Variants in MRPS30 observed in about 807,000 individuals in gnomAD.
MRPS30 encodes the protein large ribosomal subunit protein mL65.
In MRPS30, 42 loss-of-function variants were observed where a neutral mutation model predicts 43.8. The observed-to-expected ratio is 0.96, with a 90% CI of 0.75 to 1.24. The LOEUF (loss-of-function observed/expected upper bound fraction) is 1.24. Ranked by LOEUF, MRPS30 falls within the 50% of genes most tolerant of loss-of-function variation. The probability of loss-of-function intolerance (pLI) is 0.00; values close to 1 mark genes in which losing one functional copy is unlikely to be tolerated. For synonymous variants in MRPS30, 273 were observed against 228.2 expected (o/e 1.20, Z -1.77); for missense variants, 638 against 570.0 (o/e 1.12, Z -1.22).
In MRPS30 at chr5:44,815,212, T is replaced by G. The variant is rs1271128297; in HGVS notation, c.*10T>G. On this transcript the variant is annotated 3_prime_UTR_variant, in exon 5 of 5. Coordinates refer to ENST00000507110, the MANE Select transcript of MRPS30 (RefSeq NM_016640.4). ...GCTGTTGGAAAACTGAAAAAGCATA[T>G]TTGATTGAGAACTGTGGGAATATTT... 1 of 1,566,282 alleles carries G rather than the reference T, an allele frequency of 6.4e-7. No individual in the cohort carries two copies. The highest frequency in any genetic ancestry group is 1.2e-5 in the South Asian group (1 of 83,642).
intron 1 of MRPS30, among the ~76,000 whole-genome samples, chr5:44,810,569 G>A (rs1393325467): frequency 6.6e-6 from 1 of 152,106 alleles, no homozygotes; most frequent in African/African-American, 2.4e-5. Flanking sequence ...TGAGGAAAGC[G>A]TCATGGACTT....
rs1742786674 is a variant in MRPS30 at position 44,809,408 on chromosome 5, G to GCCTGCTGCAGGAGCACTTCTA, written c.452_472dup (p.Leu151_Leu157dup). ...GCGCTGCGTGCGGTCGCCTGCGACT[G>GCCTGCTGCAGGAGCACTTCTA]CCTGCTGCAGGAGCACTTCTACCTG... On this transcript the variant is annotated inframe_insertion, in exon 1 of 5. Transcript: ENST00000507110. 1 of 1,612,194 alleles carries GCCTGCTGCAGGAGCACTTCTA rather than the reference G, an allele frequency of 6.2e-7. No homozygotes were observed. The highest frequency in any genetic ancestry group is 1.7e-5 in the Admixed American group (1 of 59,806).
intron 4 of MRPS30, 44 bp from the exon 5 acceptor site, chr5:44,814,869 A>G: frequency 6.6e-7 from 1 of 1,513,308 alleles, no homozygotes; most frequent in Non-Finnish European, 8.9e-7. Flanking sequence ...TGTTTGGGTA[A>G]GATATATTCT....
Position 44,809,226 on chromosome 5 carries a change from T to G in MRPS30, c.264T>G (p.Phe88Leu). ...TGCGAATCCTCACCAAGATGCAGTT[T>G]ATGAAGTACATGGTTTACCCGCAGA... ...EKLRILTKMQ[F>L]MKYMVYPQTF... Residue 88 changes from phenylalanine (F) to leucine (L), a missense_variant, in exon 1 of 5, where the codon TTT becomes TTG. Coordinates refer to ENST00000507110, the MANE Select transcript of MRPS30 (RefSeq NM_016640.4). 1 of 1,613,658 alleles carries G rather than the reference T, an allele frequency of 6.2e-7. No individual in the cohort carries two copies. Among genetic ancestry groups the G allele is most frequent in the Non-Finnish European group, 8.5e-7 (1 of 1,179,914 alleles).
chr5:44,811,875 T>C (rs760215396), intron 2 of MRPS30, 40 bp from the exon 3 acceptor site: 10 of 1,194,292 alleles, frequency 8.4e-6, no homozygotes, highest in East Asian at 2.6e-5. Flanking sequence ...TACATACTAA[T>C]GTTGCTGTGA....
At chr5:44,814,292 AG>A (rs1382694527) in intron 4 of MRPS30, among the ~76,000 whole-genome samples, 1 of 152,220 alleles carries the variant, frequency 6.6e-6, no homozygotes, top group Non-Finnish European at 1.5e-5. Flanking sequence ...TTTGATTACT[AG>A]GCTCATCTTT....
chr5:44,809,738 T>C, intron 1 of MRPS30, 175 bp downstream of exon 1: 2 of 677,566 alleles, frequency 3.0e-6, no homozygotes, highest in South Asian at 4.0e-5. Context: ...GTTAGGAATC[T>C]AGAGACTAGG....
chr5:44,814,844 C>A, intron 4 of MRPS30, 69 bp from the exon 5 acceptor site: 1 of 1,407,236 alleles, frequency 7.1e-7, no homozygotes, highest in Non-Finnish European at 9.7e-7. Flanking sequence ...CCTCTAATGT[C>A]TAATGTGATT....
intron 2 of MRPS30, 132 bp from the exon 3 acceptor site, chr5:44,811,783 A>C: frequency 3.5e-6 from 2 of 571,894 alleles, no homozygotes. Flanking sequence ...GATTTGGCCC[A>C]TCATTCGATG....
chr5:44,809,815 G>A (rs912846265), intron 1 of MRPS30: 17 of 482,670 alleles, frequency 3.5e-5, no homozygotes, highest in Admixed American at 3.8e-5. Context: ...CAGGATTCCA[G>A]TCCTGGATTC....
At chr5:44,814,448 G>A (rs1742887931) in intron 4 of MRPS30, among the ~76,000 whole-genome samples, 1 of 152,140 alleles carries the variant, frequency 6.6e-6, no homozygotes, top group Admixed American at 6.6e-5. Flanking sequence ...GAATGGCACT[G>A]TTTACTTTTG....
intron 4 of MRPS30, among the ~76,000 whole-genome samples, 185 bp from the exon 5 acceptor site, chr5:44,814,728 T>C (rs1561267488): frequency 6.6e-6 from 1 of 152,192 alleles, no homozygotes; most frequent in African/African-American, 2.4e-5. Flanking sequence ...AAATATTATT[T>C]GTGCAGAAAT....
Position 44,809,355 on chromosome 5 carries a change from C to A in MRPS30, c.393C>A (p.Pro131=), listed in dbSNP as rs1742783858. Residue 131 remains proline (P), a synonymous_variant, in exon 1 of 5, where the codon CCC becomes CCA. Transcript: ENST00000507110. ...CGGAGCCCGAGCCCGAGCCCGAACC[C>A]GAACCTGAACCTGCGCTGGACCTCG... ...PPAEPEPEPE[P]EPEPALDLAA... 6.2e-7 allele frequency: 1 copy of A among 1,608,282 alleles called. No homozygotes were observed. The highest frequency in any genetic ancestry group is 1.7e-5 in the Admixed American group (1 of 59,250).
chr5:44,811,241 A>G (rs534167908), intron 2 of MRPS30, 87 bp downstream of exon 2: 29 of 1,436,688 alleles, frequency 2.0e-5, no homozygotes, highest in Non-Finnish European at 2.7e-5. Context: ...AGTAGAATAA[A>G]ATGTTTCAGG....
intron 3 of MRPS30, among the ~76,000 whole-genome samples, chr5:44,812,728 T>C (rs1742862643): frequency 6.6e-6 from 1 of 152,080 alleles, no homozygotes; most frequent in African/African-American, 2.4e-5. Flanking sequence ...TTTCATTAAA[T>C]AAGTTATTAA....
chr5:44,813,160 C>A lies in MRPS30; in HGVS notation c.908C>A (p.Pro303His). 1.9e-6 allele frequency: 3 copies of A among 1,613,244 alleles called. No individual in the cohort carries two copies. Among genetic ancestry groups the A allele is most frequent in the Non-Finnish European group, 2.5e-6 (3 of 1,179,622 alleles). The part of the protein sequence containing the change: ...CYGHTQFHLL[P>H]DKLRRERLLR... ...GGTCACACCCAGTTTCATCTGTTAC[C>A]TGACAAATTAAGAAGGGAAAGGCTT... The change falls in exon 4 of 5, where the codon CCT becomes CAT. Residue 303 changes from proline to histidine, a missense_variant. Physicochemically the swap from Pro to His is moderately conservative, Grantham distance 77 (BLOSUM62 -2). Transcript: ENST00000507110.
chr5:44,815,514 A>G lies in MRPS30; in HGVS notation c.*312A>G, dbSNP rs1304832958. ...CCCAAATAAAATGCTAACATACTGA[A>G]TTCAGTAATTAAAAGAACCCACTGC... On this transcript the variant is annotated 3_prime_UTR_variant, in exon 5 of 5. Coordinates refer to ENST00000507110, the MANE Select transcript of MRPS30 (RefSeq NM_016640.4). The G allele has an allele frequency of 9.5e-6, 2 of 210,120 alleles. No homozygotes were observed. The highest frequency in any genetic ancestry group is 4.7e-5 in the African/African-American group (2 of 42,568). The allele number at this position is 210,120 out of a possible 1,614,324, so 13.0% of individuals were successfully genotyped here. A position where few individuals can be genotyped will look rare whatever the true frequency, so the allele number is the denominator to read the frequency against.
Position 44,809,435 on chromosome 5 carries a change from G to A in MRPS30, c.473G>A (p.Arg158Gln). 2 of 1,613,626 alleles carry A rather than the reference G, an allele frequency of 1.2e-6. No individual in the cohort carries two copies. Among genetic ancestry groups the A allele is most frequent in the Non-Finnish European group, 1.7e-6 (2 of 1,179,910 alleles). Residue 158 changes from arginine (R) to glutamine (Q), a missense_variant, in exon 1 of 5, where the codon CGG becomes CAG. By Grantham distance (43) the Arg-to-Gln change is conservative. Transcript: ENST00000507110. ...DCLLQEHFYL[R>Q]RRRRVHRYEE... ...CTGCTGCAGGAGCACTTCTACCTGCGGCGCAGGCGGCGCGTGCACCGTTAC... is the reference window on the plus strand; with the variant it reads ...CTGCTGCAGGAGCACTTCTACCTGCAGCGCAGGCGGCGCGTGCACCGTTAC...
chr5:44,814,789 G>A lies in MRPS30; in HGVS notation c.1031-124G>A, dbSNP rs1263340938. The A allele has an allele frequency of 2.2e-5, 19 of 864,420 alleles. No individual in the cohort carries two copies. In the Admixed American group the frequency reaches 4.9e-4, roughly 22 times the overall value. 53.5% of individuals were successfully genotyped at this position (864,420 alleles called of 1,614,324 possible). A position where few individuals can be genotyped will look rare whatever the true frequency, so the allele number is the denominator to read the frequency against. On this transcript the variant is annotated intron_variant, in intron 4 of 4. Coordinates refer to ENST00000507110, the MANE Select transcript of MRPS30 (RefSeq NM_016640.4). ...ATAAGGAAACTTTGAGGTCTTCAGGGATTTTGTTACATAAAGTATCTAAGT... is the reference window on the plus strand; with the variant it reads ...ATAAGGAAACTTTGAGGTCTTCAGGAATTTTGTTACATAAAGTATCTAAGT...
Sources: allele counts gnomAD v4.1 joint callset (sites outside exome capture counted in the v4.1 genomes callset), GRCh38; gene constraint gnomAD v4.1.1; transcripts MANE v1.5; gene names NCBI Gene and HGNC (gene_info 2026-07-23, HGNC 2026-07-21).